Variants in NRXN3 observed in about 807,000 individuals in gnomAD.
NRXN3 encodes neurexin III.
A neutral mutation model predicts 137.6 loss-of-function variants in NRXN3; 32 were observed. That is an observed-to-expected ratio of 0.23 (90% CI 0.18 to 0.31). The LOEUF is 0.31. Ranked by LOEUF, NRXN3 falls within the 10% of genes least tolerant of loss-of-function variation. NRXN3 has a pLI of 1.00. For missense variants in NRXN3, 1,574 were observed against 2,062.5 expected, an observed-to-expected ratio of 0.76 and a Z score of 4.59; for synonymous variants, 798 against 784.5, an observed-to-expected ratio of 1.02 and a Z score of -0.29.
At chr14:79,144,155 C>A (rs894204213) in intron 15 of NRXN3, among the ~76,000 whole-genome samples, 5 of 152,190 alleles carry the variant, frequency 3.3e-5, no homozygotes, top group African/African-American at 7.2e-5. Flanking sequence ...TCCCCTCAGA[C>A]AAAATCTAGC....
chr14:78,174,333 C>A (rs927483397), intron 1 of NRXN3, among the ~76,000 whole-genome samples: 2 of 152,174 alleles, frequency 1.3e-5, no homozygotes, highest in African/African-American at 2.4e-5. Context: ...CACACACCAA[C>A]ACGCACAGCT....
rs1555467278 is a variant in NRXN3 at position 79,470,919 on chromosome 14, T to TGTGA, written c.3444+3518_3444+3519insTGAG. ...GAGAGAGAGTGTGTGTGTGTGTGTG[T>TGTGA]GAGAGAGAGAGAGAGAGAGAAAGAG... On this transcript the variant is annotated intron_variant, in intron 16 of 20. Transcript: ENST00000335750. Among the ~76,000 whole-genome samples, 400 of 131,378 alleles carry TGTGA rather than the reference T, an allele frequency of 3.0e-3. 1 individual carries two copies. Among genetic ancestry groups the TGTGA allele is most frequent in the African/African-American group, 0.011 (333 of 30,286 alleles). 86.2% of individuals were successfully genotyped at this position (131,378 alleles called of 152,430 possible).
At chr14:79,590,432 A>AAAAAAAAAAAAAAC (rs2097793918) in intron 16 of NRXN3, among the ~76,000 whole-genome samples, 1 of 151,200 alleles carries the variant, frequency 6.6e-6, no homozygotes, top group African/African-American at 2.4e-5. Flanking sequence ...AAAAAAAAAA[A>AAAAAAAAAAAAAAC]AAAAAAGATT....
intron 4 of NRXN3, among the ~76,000 whole-genome samples, chr14:78,496,044 A>C (rs1249056432): frequency 3.9e-5 from 6 of 152,208 alleles, no homozygotes; most frequent in Admixed American, 3.3e-4. Context: ...GCCCTGACAA[A>C]TGGGGACCAC....
At chr14:78,755,639 C>A (rs2098664902) in intron 8 of NRXN3, among the ~76,000 whole-genome samples, 1 of 152,150 alleles carries the variant, frequency 6.6e-6, no homozygotes. Context: ...GCAACCGTAG[C>A]AGCTCTAGGT....
chr14:79,416,407 C>A (rs1259123478), intron 15 of NRXN3, among the ~76,000 whole-genome samples: 1 of 152,064 alleles, frequency 6.6e-6, no homozygotes, highest in African/African-American at 2.4e-5. Context: ...TAAATATGTA[C>A]AAACAGAAAG....
At chr14:79,110,760 T>C (rs2053330546) in intron 15 of NRXN3, among the ~76,000 whole-genome samples, 1 of 133,826 alleles carries the variant, frequency 7.5e-6, no homozygotes, top group Non-Finnish European at 1.6e-5. Flanking sequence ...GAGAAATTAT[T>C]ATTTTATTTA....
intron 7 of NRXN3, among the ~76,000 whole-genome samples, chr14:78,710,420 T>A (rs1271198491): frequency 6.6e-6 from 1 of 152,144 alleles, no homozygotes; most frequent in Non-Finnish European, 1.5e-5. Flanking sequence ...GCCTGGACAG[T>A]CTGCCTAGCT....
At chr14:78,286,141 G>T (rs961987286) in intron 3 of NRXN3, among the ~76,000 whole-genome samples, 3 of 152,200 alleles carry the variant, frequency 2.0e-5, no homozygotes, top group African/African-American at 2.4e-5. Flanking sequence ...GTTCTGGAGG[G>T]CAAGGCCAGA....
At chr14:79,397,177 G>T (rs1211323312) in intron 15 of NRXN3, among the ~76,000 whole-genome samples, 2 of 151,970 alleles carry the variant, frequency 1.3e-5, no homozygotes, top group African/African-American at 4.8e-5. Flanking sequence ...CAGTTCTTCA[G>T]TTAAGTGTTA....
chr14:79,199,374 AC>A (rs2065609355), intron 15 of NRXN3, among the ~76,000 whole-genome samples: 1 of 152,194 alleles, frequency 6.6e-6, no homozygotes, highest in Admixed American at 6.5e-5. Context: ...TGTGAGAAGG[AC>A]AAAATTAAAT....
chr14:78,282,032 A>G lies in NRXN3; in HGVS notation c.727+3370A>G, dbSNP rs182412143. 15 of 431,774 alleles carry G rather than the reference A, an allele frequency of 3.5e-5. No homozygotes were observed. In the East Asian group the frequency reaches 1.0e-3, roughly 29 times the overall value. The allele number at this position is 431,774 out of a possible 1,614,324, so 26.7% of individuals were successfully genotyped here. A position where few individuals can be genotyped will look rare whatever the true frequency, so the allele number is the denominator to read the frequency against. ...GGGAGTTTTGAGTTTGCAGGGTTCCAAGACATGGTGGAGCTTAAAGGGTAT... is the reference window on the plus strand; with the variant it reads ...GGGAGTTTTGAGTTTGCAGGGTTCCGAGACATGGTGGAGCTTAAAGGGTAT... On this transcript the variant is annotated intron_variant, in intron 3 of 20. Transcript: ENST00000335750.
At chr14:79,401,321 G>C (rs1292006182) in intron 15 of NRXN3, among the ~76,000 whole-genome samples, 3 of 152,076 alleles carry the variant, frequency 2.0e-5, no homozygotes, top group Non-Finnish European at 4.4e-5. Context: ...TTGTCACCCT[G>C]TACTTAGAAA....
chr14:78,800,753 C>T (rs944800684), intron 8 of NRXN3, among the ~76,000 whole-genome samples: 17 of 152,142 alleles, frequency 1.1e-4, no homozygotes, highest in Non-Finnish European at 2.4e-4. Context: ...TGTGGTCTGC[C>T]TGACTCTTGT....
chr14:78,578,281 T>C (rs2152344137), intron 4 of NRXN3, among the ~76,000 whole-genome samples: 1 of 152,328 alleles, frequency 6.6e-6, no homozygotes. Flanking sequence ...AGAATTAGAA[T>C]AGAATCGGAT....
chr14:79,560,106 A>T (rs2097476051), intron 16 of NRXN3, among the ~76,000 whole-genome samples: 1 of 152,154 alleles, frequency 6.6e-6, no homozygotes, highest in Non-Finnish European at 1.5e-5. Flanking sequence ...GGATAAATTA[A>T]TTTACTATTT....
intron 17 of NRXN3, among the ~76,000 whole-genome samples, chr14:79,676,004 C>A (rs147148529): frequency 6.6e-6 from 1 of 152,194 alleles, no homozygotes; most frequent in Admixed American, 6.5e-5. Flanking sequence ...TGATGCCTTG[C>A]ATTGATCTTT....
intron 8 of NRXN3, among the ~76,000 whole-genome samples, chr14:78,751,619 G>A (rs145469207): frequency 2.6e-4 from 40 of 152,280 alleles, no homozygotes; most frequent in African/African-American, 9.1e-4. Context: ...GACACACATA[G>A]TCTTGCCACC....
intron 15 of NRXN3, among the ~76,000 whole-genome samples, chr14:79,397,829 T>A (rs997411479): frequency 2.0e-5 from 3 of 152,126 alleles, no homozygotes; most frequent in Non-Finnish European, 4.4e-5. Context: ...AGGCAGAAAA[T>A]CCTTAGCTAC....
Sources: gnomAD v4.1 joint callset for allele counts (sites outside exome capture counted in the v4.1 genomes callset) on GRCh38, gnomAD v4.1.1 for gene constraint, MANE v1.5 for transcripts, NCBI Gene and HGNC (gene_info 2026-07-23, HGNC 2026-07-21) for gene names.